LRRC28: variants seen among roughly 807,000 people sequenced by gnomAD.
LRRC28 encodes leucine rich repeat containing 28.
LRRC28 carries 39 observed loss-of-function variants against 45.7 expected under a neutral mutation model. The observed-to-expected ratio is 0.85, with a 90% CI of 0.66 to 1.12. LRRC28 has a LOEUF of 1.12. LRRC28 is among the 50% of genes most tolerant of loss of function. The pLI is 0.00. For synonymous variants in LRRC28, 206 were observed against 178.8 expected, an observed-to-expected ratio of 1.15 and a Z score of -1.22; for missense variants, 435 against 438.5, an observed-to-expected ratio of 0.99 and a Z score of 0.07.
intron 2 of LRRC28, among the ~76,000 whole-genome samples, chr15:99,273,261 G>T (rs549259530): frequency 9.2e-5 from 14 of 152,090 alleles, no homozygotes; most frequent in African/African-American, 3.4e-4. Flanking sequence ...TTTTGAGATG[G>T]AGTCTCACTC....
intron 5 of LRRC28, among the ~76,000 whole-genome samples, chr15:99,303,912 C>G (rs1046699617): frequency 6.6e-6 from 1 of 151,942 alleles, no homozygotes; most frequent in Non-Finnish European, 1.5e-5. Flanking sequence ...CATTGTCCCC[C>G]CCACTGGATG....
At chr15:99,303,493 AAC>A (rs1955059194) in intron 5 of LRRC28, among the ~76,000 whole-genome samples, 1 of 152,184 alleles carries the variant, frequency 6.6e-6, no homozygotes, top group Non-Finnish European at 1.5e-5. Context: ...AAGGTGTTAT[AAC>A]AAGTTCAAGG....
At chr15:99,259,182 G>A in intron 2 of LRRC28, 2 of 1,127,980 alleles carry the variant, frequency 1.8e-6, no homozygotes, top group Non-Finnish European at 2.7e-6. Context: ...GACATTACTA[G>A]CCTACACCAG....
At chr15:99,357,147 A>G (rs1438553690) in intron 7 of LRRC28, among the ~76,000 whole-genome samples, 1 of 152,198 alleles carries the variant, frequency 6.6e-6, no homozygotes, top group Non-Finnish European at 1.5e-5. Context: ...GCACATGTAG[A>G]TGACACAGCA....
chr15:99,294,996 G>T lies in LRRC28; in HGVS notation c.385+7045G>T, dbSNP rs189442571. Among the ~76,000 whole-genome samples the T allele has an allele frequency of 2.5e-3, 378 of 152,310 alleles. 1 individual carries two copies. The highest frequency in any genetic ancestry group is 7.9e-3 in the African/African-American group (329 of 41,578). On this transcript the variant is annotated intron_variant, in intron 5 of 9. Transcript: ENST00000301981. ...TGGCAGAAATTCAGGTCCAACATGG[G>T]GCTCGCCTCTTGTGTTCCCTAGATT...
chr15:99,358,160 C>T (rs1957098163), intron 7 of LRRC28, among the ~76,000 whole-genome samples: 1 of 151,970 alleles, frequency 6.6e-6, no homozygotes, highest in South Asian at 2.1e-4. Context: ...TTTATGTCTT[C>T]GTAAATTAGA....
chr15:99,378,265 T>G (rs1957705927), intron 9 of LRRC28, among the ~76,000 whole-genome samples: 1 of 152,346 alleles, frequency 6.6e-6, no homozygotes, highest in East Asian at 1.9e-4. Flanking sequence ...TCACATCCCT[T>G]GTAAGTTGGA....
intron 5 of LRRC28, among the ~76,000 whole-genome samples, chr15:99,295,785 A>G (rs1447319560): frequency 6.6e-6 from 1 of 152,264 alleles, no homozygotes; most frequent in Non-Finnish European, 1.5e-5. Flanking sequence ...AATGGCTGAA[A>G]GTATGCACAG....
chr15:99,345,708 A>G (rs917836288), intron 6 of LRRC28, among the ~76,000 whole-genome samples: 2 of 152,178 alleles, frequency 1.3e-5, no homozygotes, highest in Non-Finnish European at 2.9e-5. Flanking sequence ...ATGCATGTTT[A>G]CTTAAGTTAA....
At chr15:99,350,281 G>T (rs957814579) in intron 6 of LRRC28, among the ~76,000 whole-genome samples, 4 of 152,202 alleles carry the variant, frequency 2.6e-5, no homozygotes, top group Admixed American at 6.5e-5. Flanking sequence ...TAGCTGGTAG[G>T]GGTGTAAATT....
At chr15:99,343,770 G>A (rs1374456979) in intron 6 of LRRC28, among the ~76,000 whole-genome samples, 1 of 152,200 alleles carries the variant, frequency 6.6e-6, no homozygotes, top group Non-Finnish European at 1.5e-5. Context: ...GTACACGAGT[G>A]ATCTCTTCCA....
intron 9 of LRRC28, among the ~76,000 whole-genome samples, chr15:99,373,793 A>G (rs900420325): frequency 5.9e-5 from 9 of 152,176 alleles, no homozygotes; most frequent in African/African-American, 1.9e-4. Flanking sequence ...TCATTTGAAA[A>G]CAAGTCTTCT....
chr15:99,325,433 C>T (rs553013577), intron 5 of LRRC28, among the ~76,000 whole-genome samples: 29 of 152,126 alleles, frequency 1.9e-4, no homozygotes, highest in Non-Finnish European at 3.7e-4. Context: ...CAGTTTTTGC[C>T]TTCCGGCCTT....
At chr15:99,319,952 G>A (rs918366359) in intron 5 of LRRC28, among the ~76,000 whole-genome samples, 6 of 151,762 alleles carry the variant, frequency 4.0e-5, no homozygotes, top group Non-Finnish European at 1.5e-5. Context: ...ACAGGTGGCC[G>A]CCACCACGCC....
chr15:99,363,082 G>GCATCA, intron 8 of LRRC28, 24 bp from the exon 9 acceptor site: 1 of 1,589,702 alleles, frequency 6.3e-7, no homozygotes, highest in Non-Finnish European at 8.6e-7. Context: ...TTACTCGTGT[G>GCATCA]CGTGATTTTC....
chr15:99,272,914 A>G (rs1005718187), intron 2 of LRRC28, among the ~76,000 whole-genome samples: 3 of 152,330 alleles, frequency 2.0e-5, no homozygotes, highest in East Asian at 1.9e-4. Context: ...AAAAAACTTC[A>G]TAGCTTGTAA....
intron 6 of LRRC28, among the ~76,000 whole-genome samples, chr15:99,351,159 T>A (rs1463921125): frequency 6.6e-6 from 1 of 152,146 alleles, no homozygotes; most frequent in Non-Finnish European, 1.5e-5. Flanking sequence ...CTCAGGACTC[T>A]GTTGTGTACC....
At chr15:99,306,682 T>C (rs549844639) in intron 5 of LRRC28, among the ~76,000 whole-genome samples, 1 of 152,172 alleles carries the variant, frequency 6.6e-6, no homozygotes, top group Non-Finnish European at 1.5e-5. Flanking sequence ...GAAAGAAAGT[T>C]CTGGCAGGTT....
intron 5 of LRRC28, among the ~76,000 whole-genome samples, chr15:99,304,338 G>A (rs34448644): frequency 0.097 from 14,743 of 152,030 alleles, 1,020 homozygotes; most frequent in East Asian, 0.33. Flanking sequence ...CTCAGTCTGC[G>A]GTTTGTGTAT....
Sources: gnomAD v4.1 joint callset for allele counts (sites outside exome capture counted in the v4.1 genomes callset) on GRCh38, gnomAD v4.1.1 for gene constraint, MANE v1.5 for transcripts, NCBI Gene and HGNC (gene_info 2026-07-23, HGNC 2026-07-21) for gene names.